ZNF318: variants seen among roughly 807,000 people sequenced by gnomAD.
ZNF318 encodes endocrine regulator.
In ZNF318, 51 loss-of-function variants were observed where a neutral mutation model predicts 124.2. That is an observed-to-expected ratio of 0.41 (90% CI 0.33 to 0.52). ZNF318 has a LOEUF of 0.52. ZNF318 is among the 20% of genes least tolerant of loss of function. The pLI, the probability that ZNF318 is intolerant of heterozygous loss-of-function variation, is 0.23. For synonymous variants in ZNF318, 1,090 were observed against 1,040.7 expected (o/e 1.05, Z -0.91); for missense variants, 2,815 against 2,811.2 (o/e 1.00, Z -0.03).
At chr6:43,354,639 C>G in intron 4 of ZNF318, 25 bp downstream of exon 4, 1 of 1,551,448 alleles carries the variant, frequency 6.4e-7, no homozygotes, top group Non-Finnish European at 8.7e-7. Flanking sequence ...AACTCAGGCA[C>G]AGGATACCCA....
At chr6:43,346,386 CA>C (rs1221752834) in intron 6 of ZNF318, among the ~76,000 whole-genome samples, 2 of 151,576 alleles carry the variant, frequency 1.3e-5, no homozygotes, top group East Asian at 3.9e-4. Context: ...CAGGCTGAGG[CA>C]GAAGAATTGC....
chr6:43,341,317 G>A (rs1047407663), intron 8 of ZNF318, among the ~76,000 whole-genome samples: 2 of 152,120 alleles, frequency 1.3e-5, no homozygotes, highest in Non-Finnish European at 2.9e-5. Context: ...TAAATCTCAA[G>A]GGTATAGTAG....
chr6:43,340,652 A>T, intron 9 of ZNF318, 138 bp downstream of exon 9: 1 of 1,505,420 alleles, frequency 6.6e-7, no homozygotes, highest in Admixed American at 2.1e-5. Context: ...AGCATCTCCC[A>T]CTAGGATTGA....
intron 6 of ZNF318, among the ~76,000 whole-genome samples, chr6:43,345,333 AG>A (rs1429364553): frequency 6.6e-6 from 1 of 152,190 alleles, no homozygotes; most frequent in Non-Finnish European, 1.5e-5. Context: ...ATGAACAGAA[AG>A]GGAAAGAAAA....
At chr6:43,364,331 GAA>G (rs34131739) in intron 2 of ZNF318, 71,759 of 148,066 alleles carry the variant, frequency 0.48, 16,962 homozygotes, top group East Asian at 0.64. Flanking sequence ...AATTAAGCCT[GAA>G]AAAAAAAAAA....
chr6:43,340,506 G>A lies in ZNF318; in HGVS notation c.3496-4C>T, dbSNP rs771561736. ...ATGGGTTTTCATCCACATATTTCTG[G>A]GAAGAAAAAAGATAAAGACTCAAAA... On this transcript the variant is annotated splice_polypyrimidine_tract_variant and splice_region_variant and intron_variant, in intron 9 of 9. Transcript: ENST00000361428. 3 of 1,567,680 alleles carry A rather than the reference G, an allele frequency of 1.9e-6. No individual in the cohort carries two copies. The highest frequency in any genetic ancestry group is 1.4e-5 in the African/African-American group (1 of 72,302).
chr6:43,338,685 T>G lies in ZNF318; in HGVS notation c.5313A>C (p.Arg1771Ser), dbSNP rs369701277. The G allele has an allele frequency of 3.1e-6, 5 of 1,614,216 alleles. No individual in the cohort carries two copies. Among genetic ancestry groups the G allele is most frequent in the Non-Finnish European group, 4.2e-6 (5 of 1,180,048 alleles). ...CAGTGTTTGTCTCTATCTCACTTTC[T>G]CTACAATCCTCAGATTTACGGAGCT... ...SQELRKSEDC[R>S]ESEIETNTEL... The change falls in exon 10 of 10, where the codon AGA becomes AGC. Residue 1771 changes from arginine to serine, a missense_variant. Coordinates refer to ENST00000361428, the MANE Select transcript of ZNF318 (RefSeq NM_014345.3).
At chr6:43,348,042 C>A (rs2150751778) in intron 6 of ZNF318, among the ~76,000 whole-genome samples, 1 of 152,260 alleles carries the variant, frequency 6.6e-6, no homozygotes, top group East Asian at 1.9e-4. Context: ...AGGGTATATA[C>A]AAGTTCTGAG....
In ZNF318 at chr6:43,336,573, A is replaced by T. The variant is rs1779282973; in HGVS notation, c.*585T>A. 1.3e-5 allele frequency: 2 copies of T among 152,288 alleles called. No homozygotes were observed. The highest frequency in any genetic ancestry group is 4.1e-4 in the South Asian group (2 of 4,828). The allele number at this position is 152,288 out of a possible 1,614,324, so 9.4% of individuals were successfully genotyped here. On this transcript the variant is annotated 3_prime_UTR_variant, in exon 10 of 10. Transcript: ENST00000361428. ...GAAGTACAGGAGTTGACATGCCAAT[A>T]AGGGGTGTAAACAGTAAACAAAAGA...
rs1281718304 is a variant in ZNF318, at chr6:43,369,591, C to G, written c.-226G>C. On this transcript the variant is annotated 5_prime_UTR_variant, in exon 1 of 10. Transcript: ENST00000361428. ...GCGCGAGCACGCGTCCGACACACCC[C>G]CCCCCGCCTCCGGGGTTCCCCGCTC... is the stretch of plus-strand genomic sequence containing the variant. 3 of 156,992 alleles carry G rather than the reference C, an allele frequency of 1.9e-5. No homozygotes were observed. The highest frequency in any genetic ancestry group is 4.1e-5 in the Non-Finnish European group (3 of 72,586). The allele number at this position is 156,992 out of a possible 1,614,324, so 9.7% of individuals were successfully genotyped here.
intron 2 of ZNF318, among the ~76,000 whole-genome samples, chr6:43,362,786 G>A (rs1340222885): frequency 6.6e-6 from 1 of 152,126 alleles, no homozygotes; most frequent in Non-Finnish European, 1.5e-5. Context: ...TTACAGGTAT[G>A]AGCCACTGCG....
chr6:43,348,861 C>G (rs1454973241), intron 5 of ZNF318, among the ~76,000 whole-genome samples: 2 of 152,030 alleles, frequency 1.3e-5, no homozygotes, highest in Non-Finnish European at 2.9e-5. Flanking sequence ...GGTGAAACCC[C>G]GTCTCTACTA....
Position 43,342,139 on chromosome 6 carries a change from T to G in ZNF318, c.3349A>C (p.Thr1117Pro), listed in dbSNP as rs1779379985. 1.2e-6 allele frequency: 2 copies of G among 1,614,016 alleles called. No individual in the cohort carries two copies. Residue 1117 changes from threonine (T) to proline (P), a missense_variant, in exon 8 of 10, where the codon ACT (threonine) becomes CCT (proline). Around this residue, in one of 4 missense-constraint regions of ZNF318, gnomAD observed 500 missense variants for 605.2 expected, o/e 0.83. Coordinates refer to ENST00000361428, the MANE Select transcript of ZNF318 (RefSeq NM_014345.3). Reference sequence around the variant, plus strand: ...TTTGCAGGAACAGTTATCTTGTCAGTGCGCTTTATGGCATCTTGCTTGGCC... The same window carrying G: ...TTTGCAGGAACAGTTATCTTGTCAGGGCGCTTTATGGCATCTTGCTTGGCC... ...SEAKQDAIKR[T>P]DKITVPAKGS...
chr6:43,341,098 A>G (rs1272943405), intron 8 of ZNF318, among the ~76,000 whole-genome samples, 190 bp from the exon 9 acceptor site: 2 of 152,190 alleles, frequency 1.3e-5, no homozygotes, highest in Non-Finnish European at 2.9e-5. Flanking sequence ...CTTGAACTAC[A>G]GTCCTCTATT....
rs1562133870 is a variant in ZNF318 at position 43,355,576 on chromosome 6, A to G, written c.1758T>C (p.Asn586=). 1 of 1,614,128 alleles carries G rather than the reference A, an allele frequency of 6.2e-7. No individual in the cohort carries two copies. Among genetic ancestry groups the G allele is most frequent in the Non-Finnish European group, 8.5e-7 (1 of 1,180,032 alleles). Residue 586 remains asparagine (N), a synonymous_variant, in exon 4 of 10, where the codon AAT becomes AAC. Coordinates refer to ENST00000361428, the MANE Select transcript of ZNF318 (RefSeq NM_014345.3). ...AVKLESLEET[N]PEYAKIHDLL... is the part of the protein sequence containing the mutation. ...AGTCATGGATCTTCGCATATTCTGG[A>G]TTGGTCTCTTCTAGTGATTCTAGCT...
chr6:43,367,687 G>A (rs965747164), intron 1 of ZNF318, among the ~76,000 whole-genome samples: 3 of 152,224 alleles, frequency 2.0e-5, no homozygotes, highest in Non-Finnish European at 4.4e-5. Context: ...AGAAGAAAAG[G>A]AGGTTGTGTA....
In ZNF318 at chr6:43,337,770, G is replaced by C. The variant is rs572446390; in HGVS notation, c.6228C>G (p.Pro2076=). ...TCTCAAAGTCAAGCACCAAGGTTTT[G>C]GGAGAATCTAACGGAAACCCAGAAA... The part of the protein sequence containing the change: ...PSFSGFPLDS[P]KTLVLDFETE... Residue 2076 remains proline (P), a synonymous_variant, in exon 10 of 10, where the codon CCC becomes CCG. Coordinates refer to ENST00000361428, the MANE Select transcript of ZNF318 (RefSeq NM_014345.3). 1 of 1,614,170 alleles carries C rather than the reference G, an allele frequency of 6.2e-7. No individual in the cohort carries two copies. The highest frequency in any genetic ancestry group is 8.5e-7 in the Non-Finnish European group (1 of 1,180,028).
At chr6:43,360,420 C>A (rs1249147823) in intron 2 of ZNF318, among the ~76,000 whole-genome samples, 1 of 152,146 alleles carries the variant, frequency 6.6e-6, no homozygotes, top group African/African-American at 2.4e-5. Context: ...ATCTCCTATA[C>A]CCTGAAAGAG....
intron 1 of ZNF318, among the ~76,000 whole-genome samples, chr6:43,367,675 G>T (rs952063251): frequency 6.6e-6 from 1 of 152,200 alleles, no homozygotes; most frequent in African/African-American, 2.4e-5. Context: ...ATTGCGCACT[G>T]GAGAAGAAAA....
Sources: gnomAD v4.1 joint callset for allele counts (sites outside exome capture counted in the v4.1 genomes callset) on GRCh38, gnomAD v4.1.1 for gene constraint, gnomAD v4.1.1 regional missense constraint, MANE v1.5 for transcripts, NCBI Gene and HGNC (gene_info 2026-07-23, HGNC 2026-07-21) for gene names.